EPG5: variants seen among roughly 807,000 people sequenced by gnomAD.
EPG5 encodes ectopic P granules protein 5 homolog.
In EPG5, 159 loss-of-function variants were observed where a neutral mutation model predicts 302.7. That is an observed-to-expected ratio of 0.53 (90% CI 0.46 to 0.60). EPG5 has a LOEUF of 0.60. EPG5 is among the 20% of genes least tolerant of loss of function. The pLI, the probability that EPG5 is intolerant of heterozygous loss-of-function variation, is 0.00. For missense variants in EPG5, 2,896 were observed against 3,092.4 expected (o/e 0.94, Z 1.51); for synonymous variants, 1,158 against 1,136.8 (o/e 1.02, Z -0.37).
At position 45,916,216 on chromosome 18, in the gene EPG5, A is replaced by C. The variant is rs946610919; in HGVS notation, c.3385-10T>G. Reference sequence around the variant, plus strand: ...TTACAGATATGTGTGCCTGTGGAGAAAAGGCTCATGTGATGGGAAAGATAA... The same window carrying C: ...TTACAGATATGTGTGCCTGTGGAGACAAGGCTCATGTGATGGGAAAGATAA... On this transcript the variant is annotated splice_polypyrimidine_tract_variant and intron_variant, in intron 18 of 43. Coordinates refer to ENST00000282041, the MANE Select transcript of EPG5 (RefSeq NM_020964.3). 3.1e-6 allele frequency: 5 copies of C among 1,602,552 alleles called. No homozygotes were observed. Among genetic ancestry groups the C allele is most frequent in the Non-Finnish European group, 4.3e-6 (5 of 1,176,274 alleles).
intron 28 of EPG5, among the ~76,000 whole-genome samples, chr18:45,889,590 T>C (rs2049294310): frequency 6.6e-6 from 1 of 152,050 alleles, no homozygotes. Context: ...ATAGAAATTA[T>C]AAATAAATGG....
At chr18:45,821,911 CACCTCACCCTTGTTAGAATAGCTATT>C in the EPG5 span, among the ~76,000 whole-genome samples, 1 of 152,188 alleles carries the variant, frequency 6.6e-6, no homozygotes, top group Non-Finnish European at 1.5e-5. Context: ...AATGAGATAT[CACCTCACCCTTGTTAGAATAGCTATT>C]ACCAAAGGGA....
At chr18:45,835,825 G>T in the EPG5 span, among the ~76,000 whole-genome samples, 2 of 152,146 alleles carry the variant, frequency 1.3e-5, no homozygotes, top group Non-Finnish European at 2.9e-5. Flanking sequence ...CACACCTGGA[G>T]CCCCCAGGCT....
Position 45,880,195 on chromosome 18 carries a change from C to CT in EPG5, c.5546dup (p.Cys1850ValfsTer33). The CT allele has an allele frequency of 6.2e-7, 1 of 1,607,760 alleles. No homozygotes were observed. Reference sequence around the variant, plus strand: ...GGGCTCTCAGAGTGGCCTTCCAACACTCGGGGCTCAGAAGCTGCTCCGCGG... The same window carrying CT: ...GGGCTCTCAGAGTGGCCTTCCAACACTTCGGGGCTCAGAAGCTGCTCCGCGG... On this transcript the variant is annotated frameshift_variant, in exon 32 of 44. Coordinates refer to ENST00000282041, the MANE Select transcript of EPG5 (RefSeq NM_020964.3). LOFTEE classifies it high-confidence loss of function.
downstream of EPG5, among the ~76,000 whole-genome samples, chr18:45,845,523 G>A (rs1210256321): frequency 6.6e-6 from 1 of 152,200 alleles, no homozygotes; most frequent in East Asian, 1.9e-4. Flanking sequence ...GGGTGGAGCA[G>A]AGCTGCCTGT....
At chr18:45,921,630 A>T (rs758802522) in intron 16 of EPG5, among the ~76,000 whole-genome samples, 3 of 152,198 alleles carry the variant, frequency 2.0e-5, no homozygotes. Context: ...GAAGACATAC[A>T]GACAGCTATG....
intron 22 of EPG5, among the ~76,000 whole-genome samples, chr18:45,911,246 C>A (rs1166488560): frequency 6.6e-6 from 1 of 151,610 alleles, no homozygotes; most frequent in Admixed American, 6.6e-5. Context: ...GCCTCAGCCT[C>A]CCAAGTAGCT....
chr18:45,943,865 G>A, intron 8 of EPG5, 140 bp downstream of exon 8: 4 of 569,950 alleles, frequency 7.0e-6, no homozygotes, highest in Non-Finnish European at 9.4e-6. Context: ...AGCTTGCAGT[G>A]AGCCGAGATC....
intron 18 of EPG5, 50 bp from the exon 19 acceptor site, chr18:45,916,256 T>C (rs2050030117): frequency 6.4e-7 from 1 of 1,557,882 alleles, no homozygotes; most frequent in African/African-American, 1.4e-5. Flanking sequence ...CAGCCTCTCA[T>C]TTTTTAAATA....
intron 43 of EPG5, among the ~76,000 whole-genome samples, chr18:45,853,889 CCAAA>C (rs1325197009): frequency 6.6e-6 from 1 of 152,112 alleles, no homozygotes; most frequent in Admixed American, 6.5e-5. Flanking sequence ...ATTTAGTCCC[CCAAA>C]CAGTCTACTT....
At chr18:45,858,887 T>C (rs1413777740) in intron 40 of EPG5, 105 bp from the exon 41 acceptor site, 10 of 790,298 alleles carry the variant, frequency 1.3e-5, no homozygotes, top group African/African-American at 3.5e-5. Context: ...TTTTTTGACA[T>C]AGCAACCTAT....
intron 42 of EPG5, 80 bp from the exon 43 acceptor site, chr18:45,855,767 A>T (rs761259936): frequency 3.4e-6 from 3 of 890,062 alleles, no homozygotes; most frequent in Non-Finnish European, 5.6e-6. Context: ...ATTTTCTATG[A>T]CATAAAAAGA....
At chr18:45,860,486 G>A (rs569867430) in intron 39 of EPG5, 140 bp from the exon 40 acceptor site, 1 of 1,040,982 alleles carries the variant, frequency 9.6e-7, no homozygotes, top group African/African-American at 1.6e-5. Context: ...GGGACTGGAA[G>A]GAAGGCTCTG....
At chr18:45,867,241 T>C (rs1447230825) in intron 37 of EPG5, among the ~76,000 whole-genome samples, 1 of 152,228 alleles carries the variant, frequency 6.6e-6, no homozygotes, top group East Asian at 1.9e-4. Flanking sequence ...CAGGTTCTTT[T>C]CTTTCAAAAG....
In EPG5 at chr18:45,952,584, C is replaced by A; in HGVS notation, c.1068G>T (p.Met356Ile). 5 of 1,614,186 alleles carry A rather than the reference C, an allele frequency of 3.1e-6. No homozygotes were observed. Among genetic ancestry groups the A allele is most frequent in the Non-Finnish European group, 4.2e-6 (5 of 1,180,034 alleles). ...FSYHRYQRVE[M>I]NENALVELKK... ...TTAGCTCCACCAGTGCATTTTCATT[C>A]ATTTCTACTCTTTGGTAGCGATGAT... is the stretch of plus-strand genomic sequence containing the variant. The change falls in exon 3 of 44, where the codon ATG becomes ATT. Residue 356 changes from methionine (M) to isoleucine (I), a missense_variant. Coordinates refer to ENST00000282041, the MANE Select transcript of EPG5 (RefSeq NM_020964.3).
intron 9 of EPG5, among the ~76,000 whole-genome samples, chr18:45,941,713 C>T (rs533528451): frequency 4.6e-5 from 7 of 152,308 alleles, no homozygotes; most frequent in Admixed American, 1.3e-4. Context: ...ACAGTAAGCA[C>T]GCAATCCTAC....
In EPG5 at chr18:45,916,865, C is replaced by T. The variant is rs9966480; in HGVS notation, c.3240-283G>A. The T allele has an allele frequency of 0.022, 4,842 of 221,262 alleles. 230 individuals carry two copies. Among genetic ancestry groups the T allele is most frequent in the African/African-American group, 0.1 (4,534 of 43,920 alleles). 13.7% of individuals were successfully genotyped at this position (221,262 alleles called of 1,614,324 possible). A position where few individuals can be genotyped will look rare whatever the true frequency, so the allele number is the denominator to read the frequency against. ...CACCCAAAGGCACCACTCTCCCCTC[C>T]TCACTCCCCAACTCCATGAATAAAG... On this transcript the variant is annotated intron_variant, in intron 17 of 43. Transcript: ENST00000282041.
At chr18:45,882,201 T>C in intron 31 of EPG5, 73 bp downstream of exon 31, 1 of 1,271,432 alleles carries the variant, frequency 7.9e-7, no homozygotes, top group Non-Finnish European at 1.1e-6. Context: ...TTGAATAACA[T>C]CTGTAAGATG....
intron 5 of EPG5, 47 bp downstream of exon 5, chr18:45,949,437 A>ATTCCTG: frequency 8.6e-7 from 1 of 1,158,102 alleles, no homozygotes; most frequent in South Asian, 1.5e-5. Flanking sequence ...AATGTCTAAT[A>ATTCCTG]AAACCTCTCC....
Sources: allele counts gnomAD v4.1 joint callset (sites outside exome capture counted in the v4.1 genomes callset), GRCh38; gene constraint gnomAD v4.1.1; transcripts MANE v1.5; gene names NCBI Gene and HGNC (gene_info 2026-07-23, HGNC 2026-07-21).